ARHGEF28: variants seen among roughly 807,000 people sequenced by gnomAD.
The protein encoded by ARHGEF28 is 190 kDa guanine nucleotide exchange factor.
A neutral mutation model predicts 206.6 loss-of-function variants in ARHGEF28; 152 were observed. That is an observed-to-expected ratio of 0.74 (90% confidence interval 0.64 to 0.84). The LOEUF (loss-of-function observed/expected upper bound fraction) is 0.84. Among genes scored for constraint, ARHGEF28 ranks in the 40% least tolerant of loss-of-function variants. The pLI is 0.00. For synonymous variants in ARHGEF28, 763 were observed against 776.4 expected, an observed-to-expected ratio of 0.98 and a Z score of 0.29; for missense variants, 2,028 against 2,073.2, an observed-to-expected ratio of 0.98 and a Z score of 0.42.
At chr5:73,651,408 A>C (rs1580442096) in intron 1 of ARHGEF28, among the ~76,000 whole-genome samples, 1 of 152,240 alleles carries the variant, frequency 6.6e-6, no homozygotes, top group African/African-American at 2.4e-5. Flanking sequence ...AAATCATTGC[A>C]TTAGAAGATC....
intron 1 of ARHGEF28, among the ~76,000 whole-genome samples, chr5:73,656,247 G>A (rs570298948): frequency 6.6e-6 from 1 of 152,254 alleles, no homozygotes; most frequent in Admixed American, 6.5e-5. Context: ...AAAGGATTTG[G>A]TGGGCAGAAT....
intron 33 of ARHGEF28, 117 bp downstream of exon 33, chr5:73,904,522 G>C: frequency 8.8e-7 from 1 of 1,133,978 alleles, no homozygotes; most frequent in Non-Finnish European, 1.2e-6. Flanking sequence ...GATCTTAAAA[G>C]AATGACAACC....
At chr5:73,662,140 A>G (rs1250103450) in intron 1 of ARHGEF28, among the ~76,000 whole-genome samples, 1 of 152,174 alleles carries the variant, frequency 6.6e-6, no homozygotes, top group African/African-American at 2.4e-5. Context: ...ACAGGTAGAG[A>G]GTAGTTCAGT....
chr5:73,802,870 CTGTGTGTGTGTGTGTGTGTGTG>C lies in ARHGEF28; in HGVS notation c.1024+7509_1024+7530del, dbSNP rs561505395. Among the ~76,000 whole-genome samples the C allele has an allele frequency of 2.8e-4, 34 of 122,224 alleles. No individual in the cohort carries two copies. In the East Asian group the frequency reaches 3.0e-3, roughly 11 times the overall value. 80.2% of individuals were successfully genotyped at this position (122,224 alleles called of 152,430 possible). On this transcript the variant is annotated intron_variant, in intron 9 of 35. Transcript: ENST00000513042. ...GATAATTGGCCAGCAAGCTCGATTG[CTGTGTGTGTGTGTGTGTGTGTG>C]TGTGTGTGTGTGTGTGTGTGTGTGT... is the stretch of plus-strand genomic sequence containing the variant.
chr5:73,775,552 G>C (rs538913686), intron 5 of ARHGEF28, among the ~76,000 whole-genome samples: 2 of 152,246 alleles, frequency 1.3e-5, no homozygotes, highest in African/African-American at 4.8e-5. Flanking sequence ...CCATCTGATG[G>C]AGATAACATT....
At chr5:73,672,139 T>C (rs1746387173) in intron 1 of ARHGEF28, among the ~76,000 whole-genome samples, 2 of 152,164 alleles carry the variant, frequency 1.3e-5, no homozygotes, top group Admixed American at 6.5e-5. Flanking sequence ...AGAGTGTTAT[T>C]GCTGGGTCTC....
In ARHGEF28 at chr5:73,776,702, T is replaced by C. The variant is rs377595018; in HGVS notation, c.840+6T>C. 1.2e-4 allele frequency: 196 copies of C among 1,602,628 alleles called. No individual in the cohort carries two copies. The highest frequency in any genetic ancestry group is 5.0e-4 in the Middle Eastern group (3 of 6,018). On this transcript the variant is annotated splice_donor_region_variant and intron_variant, in intron 6 of 35. Coordinates refer to ENST00000513042, the MANE Select transcript of ARHGEF28 (RefSeq NM_001177693.2). ...ATAGAGCCTTTCTTGTCAAGGTTTG[T>C]ACATAGTGATTCTAGCATGTGATAA...
Position 73,650,574 on chromosome 5 carries a change from C to T in ARHGEF28, c.-12+24252C>T, listed in dbSNP as rs148482119. ...CTGGGATTACAGGTGTGAGCCACCG[C>T]GCCCAGCTGAGAGATGTTTTCTAAT... is the stretch of plus-strand genomic sequence containing the variant. On this transcript the variant is annotated intron_variant, in intron 1 of 35. Transcript: ENST00000513042. Among the ~76,000 whole-genome samples, 239 of 152,028 alleles carry T rather than the reference C, an allele frequency of 1.6e-3. 1 individual carries two copies. Among genetic ancestry groups the T allele is most frequent in the African/African-American group, 5.4e-3 (223 of 41,496 alleles).
chr5:73,738,097 A>G (rs1380565803), intron 2 of ARHGEF28, among the ~76,000 whole-genome samples: 3 of 152,076 alleles, frequency 2.0e-5, no homozygotes, highest in Admixed American at 1.3e-4. Context: ...GTGCTGAGGA[A>G]CTTTAGGGGG....
rs543706958 is a variant in ARHGEF28, at chr5:73,862,933, G to T, written c.2048-1884G>T. On this transcript the variant is annotated intron_variant, in intron 16 of 35. Coordinates refer to ENST00000513042, the MANE Select transcript of ARHGEF28 (RefSeq NM_001177693.2). Reference sequence around the variant, plus strand: ...ATTCTGTCCTCAAAAGGCTAAAATAGGAGTGATCTGTTGATCTGAAACTTC... The same window carrying T: ...ATTCTGTCCTCAAAAGGCTAAAATATGAGTGATCTGTTGATCTGAAACTTC... 6 of 149,956 alleles carry T rather than the reference G, an allele frequency of 4.0e-5. No homozygotes were observed. The South Asian group carries it at 1.3e-3, about 31-fold the overall frequency. 9.3% of individuals were successfully genotyped at this position (149,956 alleles called of 1,614,324 possible). A position where few individuals can be genotyped will look rare whatever the true frequency, so the allele number is the denominator to read the frequency against.
At chr5:73,767,203 G>A (rs538468117) in intron 4 of ARHGEF28, among the ~76,000 whole-genome samples, 2 of 152,264 alleles carry the variant, frequency 1.3e-5, no homozygotes, top group South Asian at 2.1e-4. Context: ...CCAGTCTCAG[G>A]TATGTCTTTA....
intron 21 of ARHGEF28, among the ~76,000 whole-genome samples, chr5:73,871,669 A>T (rs1448558328): frequency 6.6e-6 from 1 of 152,188 alleles, no homozygotes; most frequent in East Asian, 1.9e-4. Flanking sequence ...AGTTTTTAGT[A>T]TATTCACGAA....
chr5:73,793,439 G>A (rs1389536008), intron 7 of ARHGEF28, among the ~76,000 whole-genome samples: 1 of 152,184 alleles, frequency 6.6e-6, no homozygotes, highest in Non-Finnish European at 1.5e-5. Context: ...GCAGATTTGG[G>A]GCATTAGATA....
intron 9 of ARHGEF28, among the ~76,000 whole-genome samples, chr5:73,804,983 T>C (rs149616788): frequency 3.4e-4 from 52 of 152,332 alleles, no homozygotes; most frequent in East Asian, 5.8e-4. Flanking sequence ...CATAAATTAT[T>C]TGGAATTCTT....
intron 9 of ARHGEF28, among the ~76,000 whole-genome samples, chr5:73,830,576 AAGAAAAT>A (rs1757235460): frequency 6.6e-6 from 1 of 151,748 alleles, no homozygotes; most frequent in Admixed American, 6.6e-5. Flanking sequence ...AAAAAAAAAA[AAGAAAAT>A]GTTTTTCTTT....
intron 5 of ARHGEF28, 46 bp from the exon 6 acceptor site, chr5:73,776,470 T>C (rs768062487): frequency 5.0e-5 from 76 of 1,534,320 alleles, no homozygotes; most frequent in Non-Finnish European, 6.4e-5. Flanking sequence ...ATCCTGGGGC[T>C]GGTGTCTTTG....
intron 9 of ARHGEF28, among the ~76,000 whole-genome samples, chr5:73,819,482 C>G (rs936711320): frequency 1.3e-5 from 2 of 152,166 alleles, no homozygotes; most frequent in Non-Finnish European, 2.9e-5. Flanking sequence ...GGAATCCTTC[C>G]TTGGGATTAT....
At chr5:73,813,014 C>T (rs1184443682) in intron 9 of ARHGEF28, among the ~76,000 whole-genome samples, 2 of 152,134 alleles carry the variant, frequency 1.3e-5, no homozygotes, top group Non-Finnish European at 2.9e-5. Flanking sequence ...AAAGAATAGT[C>T]TGCTCTGGAA....
chr5:73,770,965 G>C (rs10075056), intron 4 of ARHGEF28, among the ~76,000 whole-genome samples: 45,221 of 152,018 alleles, frequency 0.3, 7,006 homozygotes, highest in African/African-American at 0.38. Flanking sequence ...GAGAGCTCTC[G>C]TGGTAGAGGA....
Sources: allele counts gnomAD v4.1 joint callset (sites outside exome capture counted in the v4.1 genomes callset), GRCh38; gene constraint gnomAD v4.1.1; transcripts MANE v1.5; gene names NCBI Gene and HGNC (gene_info 2026-07-23, HGNC 2026-07-21).